Variants in RYR3 observed in about 807,000 individuals in gnomAD.
RYR3 encodes the protein brain ryanodine receptor-calcium release channel.
RYR3 carries 207 observed loss-of-function variants against 584.3 expected under a neutral mutation model. The observed-to-expected ratio is 0.35, with a 90% CI of 0.32 to 0.40. The LOEUF is 0.40. RYR3 is among the 10% of genes least tolerant of loss of function. RYR3 has a pLI of 1.00. For missense variants in RYR3, 5,616 were observed against 6,089.2 expected, an observed-to-expected ratio of 0.92 and a Z score of 2.59; for synonymous variants, 2,416 against 2,248.5, an observed-to-expected ratio of 1.07 and a Z score of -2.11.
intron 38 of RYR3, among the ~76,000 whole-genome samples, chr15:33,688,235 CA>C (rs1276128435): frequency 5.3e-5 from 8 of 151,786 alleles, no homozygotes; most frequent in Non-Finnish European, 1.2e-4. Context: ...ACAACCCCAT[CA>C]AAAAAATGGG....
At chr15:33,652,283 C>G (rs1303849194) in intron 31 of RYR3, among the ~76,000 whole-genome samples, 1 of 152,154 alleles carries the variant, frequency 6.6e-6, no homozygotes, top group East Asian at 1.9e-4. Context: ...GCCTTTTGCC[C>G]TGGTTACCAG....
chr15:33,566,383 G>A (rs943079565), intron 11 of RYR3, among the ~76,000 whole-genome samples: 1 of 152,186 alleles, frequency 6.6e-6, no homozygotes, highest in Non-Finnish European at 1.5e-5. Context: ...AATCAATCAT[G>A]AGGTATGTTA....
chr15:33,637,817 T>C (rs2061576523), intron 27 of RYR3, among the ~76,000 whole-genome samples: 1 of 152,200 alleles, frequency 6.6e-6, no homozygotes, highest in Non-Finnish European at 1.5e-5. Context: ...TTTTTATTAT[T>C]ATACTTTAAG....
intron 18 of RYR3, among the ~76,000 whole-genome samples, chr15:33,611,740 C>A (rs1412572961): frequency 6.6e-6 from 1 of 152,098 alleles, no homozygotes; most frequent in African/African-American, 2.4e-5. Context: ...CTCACCTCAG[C>A]CTCCACCTCT....
chr15:33,836,701 T>A (rs764735464), intron 87 of RYR3, among the ~76,000 whole-genome samples: 1 of 152,198 alleles, frequency 6.6e-6, no homozygotes, highest in African/African-American at 2.4e-5. Context: ...AAAGGAGCTT[T>A]GTTGGATGAG....
intron 38 of RYR3, among the ~76,000 whole-genome samples, chr15:33,673,140 T>G (rs532736437): frequency 6.6e-6 from 1 of 152,252 alleles, no homozygotes; most frequent in Non-Finnish European, 1.5e-5. Context: ...TTATCTTGCC[T>G]ACTACATCTG....
intron 32 of RYR3, among the ~76,000 whole-genome samples, chr15:33,658,248 A>G (rs1292145094): frequency 1.3e-5 from 2 of 152,078 alleles, no homozygotes; most frequent in Admixed American, 1.3e-4. Flanking sequence ...GCAGAATTCA[A>G]TTGCTTGCAT....
chr15:33,788,596 A>G (rs919569038), intron 67 of RYR3, 138 bp downstream of exon 67: 1 of 919,664 alleles, frequency 1.1e-6, no homozygotes, highest in Non-Finnish European at 1.6e-6. Context: ...TCTCCTTCCC[A>G]ACACCAATGG....
intron 5 of RYR3, among the ~76,000 whole-genome samples, chr15:33,536,335 T>C (rs1354256040): frequency 6.6e-6 from 1 of 152,232 alleles, no homozygotes; most frequent in African/African-American, 2.4e-5. Flanking sequence ...GAATTGATGA[T>C]CATTTTATCC....
chr15:33,395,442 T>C (rs1185221118), intron 1 of RYR3, among the ~76,000 whole-genome samples: 1 of 152,220 alleles, frequency 6.6e-6, no homozygotes, highest in African/African-American at 2.4e-5. Flanking sequence ...TATCATCTGC[T>C]ACATAACGCA....
intron 12 of RYR3, among the ~76,000 whole-genome samples, chr15:33,567,016 A>G (rs1286029183): frequency 6.6e-6 from 1 of 152,214 alleles, no homozygotes; most frequent in Non-Finnish European, 1.5e-5. Flanking sequence ...AAGCCCCATT[A>G]GTTACTCAGA....
In RYR3 at chr15:33,837,821, C is replaced by T. The variant is rs567139102; in HGVS notation, c.11841C>T (p.Ala3947=). The T allele has an allele frequency of 1.5e-5, 25 of 1,613,914 alleles. No individual in the cohort carries two copies. The Admixed American group carries it at 4.0e-4, about 26-fold the overall frequency. Residue 3947 remains alanine (A), a synonymous_variant, in exon 89 of 104, where the codon GCC becomes GCT. Coordinates refer to ENST00000634891, the MANE Select transcript of RYR3 (RefSeq NM_001036.6). ...TCTCCAAAAAAGAATTCCAGAAGGC[C>T]ATGGAAGGGCAAAAACAGTACACGC... ...GIISKKEFQK[A]MEGQKQYTQS...
intron 1 of RYR3, among the ~76,000 whole-genome samples, chr15:33,385,032 C>T (rs780360352): frequency 2.6e-5 from 4 of 152,082 alleles, no homozygotes; most frequent in East Asian, 1.9e-4. Flanking sequence ...GCAAGGTATA[C>T]GAAAAAGAAA....
chr15:33,484,912 G>GT (rs1354762206), intron 2 of RYR3, among the ~76,000 whole-genome samples: 1 of 152,148 alleles, frequency 6.6e-6, no homozygotes, highest in Non-Finnish European at 1.5e-5. Context: ...TGGAAGTAAT[G>GT]TTCAGGAGTT....
intron 40 of RYR3, among the ~76,000 whole-genome samples, chr15:33,698,879 T>C (rs2066057883): frequency 1.3e-5 from 2 of 152,134 alleles, no homozygotes; most frequent in Non-Finnish European, 2.9e-5. Flanking sequence ...AAGGTTGTCT[T>C]AGGATCCCGA....
At chr15:33,554,792 A>G (rs1567523894) in intron 10 of RYR3, among the ~76,000 whole-genome samples, 1 of 152,222 alleles carries the variant, frequency 6.6e-6, no homozygotes, top group Non-Finnish European at 1.5e-5. Flanking sequence ...GATTTCAGAT[A>G]ATGTGATTTA....
At chr15:33,858,265 C>T (rs1047466936) in intron 99 of RYR3, 5 of 219,366 alleles carry the variant, frequency 2.3e-5, no homozygotes, top group Admixed American at 1.6e-4. Flanking sequence ...AGTGCAATGG[C>T]GTCATCTCAG....
At chr15:33,840,998 A>C (rs2152983945) in intron 90 of RYR3, 115 bp downstream of exon 90, 1 of 922,140 alleles carries the variant, frequency 1.1e-6, no homozygotes, top group East Asian at 2.6e-5. Flanking sequence ...CTGGAGGATC[A>C]CTTGAACCCA....
At chr15:33,789,660 T>TATA (rs1567175274) in intron 67 of RYR3, among the ~76,000 whole-genome samples, 7 of 8,328 alleles carry the variant, frequency 8.4e-4, no homozygotes, top group Admixed American at 2.3e-3. Context: ...ATATATATAT[T>TATA]TTTTTTTTTT....
Sources: allele counts gnomAD v4.1 joint callset (sites outside exome capture counted in the v4.1 genomes callset), GRCh38; gene constraint gnomAD v4.1.1; transcripts MANE v1.5; gene names NCBI Gene and HGNC (gene_info 2026-07-23, HGNC 2026-07-21).